FNDC3A: variants seen among roughly 807,000 people sequenced by gnomAD.
FNDC3A encodes the protein fibronectin type-III domain-containing protein 3A.
A neutral mutation model predicts 148.9 loss-of-function variants in FNDC3A; 32 were observed. The observed-to-expected ratio is 0.21, with a 90% CI of 0.16 to 0.29. The LOEUF is 0.29. Ranked by LOEUF, FNDC3A falls within the 10% of genes least tolerant of loss-of-function variation. FNDC3A has a pLI of 1.00. For missense variants in FNDC3A, 1,191 were observed against 1,452.8 expected, an observed-to-expected ratio of 0.82 and a Z score of 2.93; for synonymous variants, 472 against 473.6, an observed-to-expected ratio of 1.00 and a Z score of 0.04.
At chr13:49,000,485 T>C (rs891684038) in intron 1 of FNDC3A, among the ~76,000 whole-genome samples, 4 of 152,360 alleles carry the variant, frequency 2.6e-5, no homozygotes, top group African/African-American at 9.6e-5. Flanking sequence ...CCTGTGGCTT[T>C]GTAATATGCT....
intron 2 of FNDC3A, among the ~76,000 whole-genome samples, chr13:49,020,857 CA>C (rs1873271287): frequency 6.6e-6 from 1 of 152,072 alleles, no homozygotes. Flanking sequence ...TTCTGAAAGG[CA>C]AAAACCAGGA....
chr13:49,098,027 A>G (rs761838276), intron 3 of FNDC3A, among the ~76,000 whole-genome samples: 1 of 152,142 alleles, frequency 6.6e-6, no homozygotes, highest in Non-Finnish European at 1.5e-5. Flanking sequence ...GCCTAGATAC[A>G]GAAGCCTTTT....
intron 3 of FNDC3A, among the ~76,000 whole-genome samples, chr13:49,108,948 A>G (rs1880375711): frequency 6.6e-6 from 1 of 152,162 alleles, no homozygotes; most frequent in African/African-American, 2.4e-5. Flanking sequence ...CTATTTCTCT[A>G]GGTTATCCTT....
chr13:49,011,199 T>A (rs922239734), intron 2 of FNDC3A, among the ~76,000 whole-genome samples: 1 of 151,846 alleles, frequency 6.6e-6, no homozygotes, highest in Non-Finnish European at 1.5e-5. Flanking sequence ...TCTCTCCTGT[T>A]CCCCTGTTCT....
intron 2 of FNDC3A, among the ~76,000 whole-genome samples, chr13:49,010,806 T>G (rs1269521175): frequency 6.6e-6 from 1 of 152,244 alleles, no homozygotes; most frequent in Non-Finnish European, 1.5e-5. Flanking sequence ...AATTGCTTAC[T>G]GACTTTTCTC....
chr13:49,030,859 T>G (rs1874060703), intron 2 of FNDC3A, among the ~76,000 whole-genome samples: 1 of 152,152 alleles, frequency 6.6e-6, no homozygotes, highest in African/African-American at 2.4e-5. Context: ...TAAGGAAGAC[T>G]TAAACAAGTG....
In FNDC3A at chr13:49,161,145, G is replaced by A. The variant is rs139326039; in HGVS notation, c.978-6099G>A. 2.6e-3 allele frequency among the ~76,000 whole-genome samples: 403 copies of A among 152,296 alleles called. 1 individual carries two copies. The highest frequency in any genetic ancestry group is 7.6e-3 in the African/African-American group (316 of 41,550). ...TAGATGTCTATTAGGTCCAGTTGGT[G>A]CAGACTTGAGTTCAAGTCCTGGGTA... On this transcript the variant is annotated intron_variant, in intron 8 of 25. Transcript: ENST00000492622.
At chr13:49,159,050 G>A (rs529849601) in intron 8 of FNDC3A, among the ~76,000 whole-genome samples, 18 of 152,156 alleles carry the variant, frequency 1.2e-4, no homozygotes, top group Non-Finnish European at 2.4e-4. Context: ...AAGTCAGGTA[G>A]CATGACGCCT....
chr13:49,183,751 A>C (rs1376628357), intron 14 of FNDC3A, among the ~76,000 whole-genome samples: 1 of 152,218 alleles, frequency 6.6e-6, no homozygotes, highest in Admixed American at 6.5e-5. Flanking sequence ...GGACTGAGGA[A>C]GCCTGAGCAA....
intron 5 of FNDC3A, 68 bp from the exon 6 acceptor site, chr13:49,136,264 T>C: frequency 7.5e-7 from 1 of 1,340,778 alleles, no homozygotes; most frequent in Non-Finnish European, 1.0e-6. Context: ...TTTTCTGTTC[T>C]TTTTTCATGG....
intron 1 of FNDC3A, among the ~76,000 whole-genome samples, chr13:48,978,655 T>G (rs1257219174): frequency 6.6e-6 from 1 of 152,124 alleles, no homozygotes; most frequent in African/African-American, 2.4e-5. Flanking sequence ...GGTTTTTTTT[T>G]GTTTGCTTTT....
chr13:49,000,487 T>C (rs1308871924), intron 1 of FNDC3A, among the ~76,000 whole-genome samples: 1 of 152,238 alleles, frequency 6.6e-6, no homozygotes, highest in Non-Finnish European at 1.5e-5. Flanking sequence ...TGTGGCTTTG[T>C]AATATGCTTT....
chr13:49,159,969 A>C (rs1031393039), intron 8 of FNDC3A, among the ~76,000 whole-genome samples: 6 of 152,300 alleles, frequency 3.9e-5, no homozygotes, highest in African/African-American at 1.2e-4. Flanking sequence ...GGATGAAGCC[A>C]ACTTGATCAT....
chr13:49,033,832 A>G (rs964302912), intron 2 of FNDC3A, among the ~76,000 whole-genome samples: 108 of 152,096 alleles, frequency 7.1e-4, no homozygotes, highest in Admixed American at 7.9e-4. Context: ...ATTAAGAGCT[A>G]CAGATTTACC....
intron 1 of FNDC3A, among the ~76,000 whole-genome samples, chr13:49,004,167 TAAGAC>T (rs1405021882): frequency 1.3e-5 from 2 of 152,108 alleles, no homozygotes; most frequent in African/African-American, 4.8e-5. Flanking sequence ...GGTCAGAAGA[TAAGAC>T]TAGAATGTAG....
chr13:49,100,797 A>G (rs756843635), intron 3 of FNDC3A, among the ~76,000 whole-genome samples: 11 of 152,256 alleles, frequency 7.2e-5, no homozygotes, highest in Non-Finnish European at 1.6e-4. Flanking sequence ...TAGAACACAG[A>G]TAACTTCTGT....
At chr13:49,126,626 A>G (rs1881718445) in intron 4 of FNDC3A, among the ~76,000 whole-genome samples, 3 of 152,226 alleles carry the variant, frequency 2.0e-5, no homozygotes, top group Admixed American at 6.5e-5. Context: ...CCCACAAAGT[A>G]GATAAGAACA....
At chr13:49,162,937 G>A (rs561736568) in intron 8 of FNDC3A, among the ~76,000 whole-genome samples, 63 of 152,242 alleles carry the variant, frequency 4.1e-4, no homozygotes, top group African/African-American at 1.3e-3. Flanking sequence ...TATCACCAGC[G>A]GAGGCTGCAG....
At chr13:49,126,537 A>G (rs568764272) in intron 4 of FNDC3A, among the ~76,000 whole-genome samples, 4 of 152,228 alleles carry the variant, frequency 2.6e-5, no homozygotes, top group Non-Finnish European at 5.9e-5. Context: ...TAAATAATTT[A>G]GCCATTTATT....
Sources: gnomAD v4.1 joint callset for allele counts (sites outside exome capture counted in the v4.1 genomes callset) on GRCh38, gnomAD v4.1.1 for gene constraint, MANE v1.5 for transcripts, NCBI Gene and HGNC (gene_info 2026-07-23, HGNC 2026-07-21) for gene names.